ZCWPW2: variants seen among roughly 807,000 people sequenced by gnomAD.
ZCWPW2 encodes zinc finger CW-type PWWP domain protein 2.
ZCWPW2 carries 45 observed loss-of-function variants against 46.6 expected under a neutral mutation model. That is an observed-to-expected ratio of 0.96 (90% CI 0.76 to 1.24). ZCWPW2 has a LOEUF of 1.24. Ranked by LOEUF, ZCWPW2 falls within the 50% of genes most tolerant of loss-of-function variation. The pLI, the probability that ZCWPW2 is intolerant of heterozygous loss-of-function variation, is 0.00. For synonymous variants in ZCWPW2, 152 were observed against 137.1 expected (o/e 1.11, Z -0.76); for missense variants, 429 against 403.9 (o/e 1.06, Z -0.53).
At chr3:28,486,908 G>GT (rs1201747685) in intron 5 of ZCWPW2, among the ~76,000 whole-genome samples, 2 of 151,710 alleles carry the variant, frequency 1.3e-5, no homozygotes, top group African/African-American at 4.8e-5. Flanking sequence ...AGATTTCTAG[G>GT]TGGCTGTGTT....
intron 1 of ZCWPW2, among the ~76,000 whole-genome samples, chr3:28,388,049 C>G (rs1695340372): frequency 6.6e-6 from 1 of 152,084 alleles, no homozygotes; most frequent in Non-Finnish European, 1.5e-5. Context: ...AGGCTGGAGA[C>G]AGAAAAGAGT....
chr3:28,445,848 G>T (rs73825164), intron 4 of ZCWPW2, among the ~76,000 whole-genome samples: 1 of 152,032 alleles, frequency 6.6e-6, no homozygotes, highest in Non-Finnish European at 1.5e-5. Context: ...GAGAAAAGAT[G>T]TTCCGTGCAA....
intron 9 of ZCWPW2, among the ~76,000 whole-genome samples, 186 bp downstream of exon 9, chr3:28,521,302 G>T (rs73823990): frequency 0.028 from 4,261 of 152,216 alleles, 190 homozygotes; most frequent in African/African-American, 0.094. Context: ...CATCTATCAG[G>T]ATTTGAAAAA....
At position 28,413,239 on chromosome 3, in the gene ZCWPW2, A is replaced by G. The variant is rs749415107; in HGVS notation, c.171A>G (p.Pro57=). The G allele has an allele frequency of 1.2e-4, 196 of 1,613,404 alleles. 2 individuals are homozygous for G. In the South Asian group the frequency reaches 2.1e-3, roughly 17 times the overall value. ...EDSAKVDHDE[P]WYCFMNTDSR... The stretch of plus-strand genomic sequence containing the variant: ...CAGCCAAGGTTGATCATGATGAACC[A>G]TGGTACTGCTTCATGAACACTGATT... The change falls in exon 3 of 10, where the codon CCA becomes CCG. Residue 57 remains proline (P), a synonymous_variant. Transcript: ENST00000383768.
chr3:28,387,072 C>T (rs921075527), intron 1 of ZCWPW2, among the ~76,000 whole-genome samples: 7 of 152,152 alleles, frequency 4.6e-5, no homozygotes, highest in African/African-American at 2.4e-5. Context: ...CTTTACCTGG[C>T]AACAGGCATC....
In ZCWPW2 at chr3:28,353,699, CAT is replaced by C. The variant is rs1361456897; in HGVS notation, c.-134+4497_-134+4498del. ...TTTTTTTTCTTTTTCCAAAATAAAACATGAGTGCCATAATTGTCTGCACAATG... is the reference window on the plus strand; with the variant it reads ...TTTTTTTTCTTTTTCCAAAATAAAACGAGTGCCATAATTGTCTGCACAATG... On this transcript the variant is annotated intron_variant, in intron 1 of 9. Transcript: ENST00000383768. Among the ~76,000 whole-genome samples, 16 of 152,098 alleles carry C rather than the reference CAT, an allele frequency of 1.1e-4. No individual in the cohort carries two copies. In the East Asian group the frequency reaches 1.9e-3, roughly 18 times the overall value.
At chr3:28,520,873 C>A in intron 8 of ZCWPW2, 119 bp from the exon 9 acceptor site, 1 of 1,203,370 alleles carries the variant, frequency 8.3e-7, no homozygotes, top group Non-Finnish European at 1.2e-6. Flanking sequence ...TTATATGAAA[C>A]ATTTATATTT....
rs1356832726 is a variant in ZCWPW2 at position 28,525,270 on chromosome 3, A to G, written c.*582A>G. 2.6e-5 allele frequency: 4 copies of G among 152,228 alleles called. No homozygotes were observed. Among genetic ancestry groups the G allele is most frequent in the Non-Finnish European group, 5.9e-5 (4 of 68,072 alleles). 9.4% of individuals were successfully genotyped at this position (152,228 alleles called of 1,614,324 possible). A position where few individuals can be genotyped will look rare whatever the true frequency, so the allele number is the denominator to read the frequency against. ...TAATAGAGTCTCTGGGAGATTTTGG[A>G]AGATCAAAATCCTGGACCCTTCCCT... On this transcript the variant is annotated 3_prime_UTR_variant, in exon 10 of 10. Transcript: ENST00000383768.
At chr3:28,394,227 G>T (rs1240552770) in intron 2 of ZCWPW2, among the ~76,000 whole-genome samples, 1 of 151,998 alleles carries the variant, frequency 6.6e-6, no homozygotes, top group Admixed American at 6.6e-5. Flanking sequence ...GGAGATGAGA[G>T]ATCTGTACAC....
intron 1 of ZCWPW2, among the ~76,000 whole-genome samples, chr3:28,377,974 T>A (rs1480936384): frequency 6.6e-6 from 1 of 152,092 alleles, no homozygotes; most frequent in Non-Finnish European, 1.5e-5. Context: ...GCCAGTATGC[T>A]GTTTTCGTCC....
intron 4 of ZCWPW2, among the ~76,000 whole-genome samples, chr3:28,475,363 G>A (rs183914920): frequency 6.6e-6 from 1 of 151,990 alleles, no homozygotes; most frequent in Non-Finnish European, 1.5e-5. Flanking sequence ...TTACTGCCCT[G>A]GTCCACACTG....
intron 1 of ZCWPW2, among the ~76,000 whole-genome samples, chr3:28,356,616 A>G (rs1704741944): frequency 6.6e-6 from 1 of 152,242 alleles, no homozygotes; most frequent in African/African-American, 2.4e-5. Flanking sequence ...AATGTCCATC[A>G]GTGATAAACT....
In ZCWPW2 at chr3:28,526,055, G is replaced by A. The variant is rs1045395689; in HGVS notation, c.*1367G>A. On this transcript the variant is annotated 3_prime_UTR_variant, in exon 10 of 10. Coordinates refer to ENST00000383768, the MANE Select transcript of ZCWPW2 (RefSeq NM_001040432.4). Reference sequence around the variant, plus strand: ...TGAAGCTTTTAACTAGCTGGGTGGTGGAATGATAATCTAGTTTCCTCATAT... The same window carrying A: ...TGAAGCTTTTAACTAGCTGGGTGGTAGAATGATAATCTAGTTTCCTCATAT... Among the ~76,000 whole-genome samples, 1 of 152,062 alleles carries A rather than the reference G, an allele frequency of 6.6e-6. No individual in the cohort carries two copies. The highest frequency in any genetic ancestry group is 2.4e-5 in the African/African-American group (1 of 41,426).
chr3:28,458,726 C>G (rs1300308789), intron 4 of ZCWPW2, among the ~76,000 whole-genome samples: 2 of 152,188 alleles, frequency 1.3e-5, no homozygotes, highest in Non-Finnish European at 2.9e-5. Context: ...GAAAGCCGCA[C>G]AGGCCTTCTT....
chr3:28,422,177 G>T (rs973849801), intron 3 of ZCWPW2, among the ~76,000 whole-genome samples: 4 of 151,978 alleles, frequency 2.6e-5, no homozygotes, highest in African/African-American at 9.7e-5. Flanking sequence ...TGGTACATTT[G>T]TTATAATCTA....
At chr3:28,385,565 A>G (rs1695240116) in intron 1 of ZCWPW2, among the ~76,000 whole-genome samples, 1 of 152,216 alleles carries the variant, frequency 6.6e-6, no homozygotes, top group East Asian at 1.9e-4. Context: ...AGGATTGACC[A>G]TATCAGTACA....
intron 4 of ZCWPW2, 57 bp downstream of exon 4, chr3:28,435,326 A>G (rs1697436642): frequency 6.6e-7 from 1 of 1,510,630 alleles, no homozygotes; most frequent in Admixed American, 2.4e-5. Flanking sequence ...AGTTATGGTA[A>G]TTTTTATCTT....
chr3:28,515,102 A>G (rs990231462), intron 7 of ZCWPW2, among the ~76,000 whole-genome samples: 1 of 152,230 alleles, frequency 6.6e-6, no homozygotes, highest in African/African-American at 2.4e-5. Context: ...GAGAAAGTAC[A>G]TTTGAGCAAA....
intron 5 of ZCWPW2, among the ~76,000 whole-genome samples, chr3:28,483,927 C>T (rs573837660): frequency 1.3e-5 from 2 of 152,078 alleles, no homozygotes; most frequent in African/African-American, 4.8e-5. Flanking sequence ...TCATGTGCAG[C>T]GAGAGTTTTA....
Sources: allele counts gnomAD v4.1 joint callset (sites outside exome capture counted in the v4.1 genomes callset), GRCh38; gene constraint gnomAD v4.1.1; transcripts MANE v1.5; gene names NCBI Gene and HGNC (gene_info 2026-07-23, HGNC 2026-07-21).